The following ZNF831 variants were observed in gnomAD, a reference collection of about 807,000 sequenced individuals.
ZNF831 encodes the protein zinc finger protein 831.
ZNF831 carries 59 observed loss-of-function variants against 95.8 expected under a neutral mutation model. The observed-to-expected ratio is 0.62, with a 90% confidence interval of 0.50 to 0.77. ZNF831 has a LOEUF of 0.77. Ranked by LOEUF, ZNF831 falls within the 30% of genes least tolerant of loss-of-function variation. The pLI is 0.00. For missense variants in ZNF831, 2,205 were observed against 2,164.0 expected, an observed-to-expected ratio of 1.02 and a Z score of -0.38; for synonymous variants, 961 against 925.5, an observed-to-expected ratio of 1.04 and a Z score of -0.70.
intron 4 of ZNF831, among the ~76,000 whole-genome samples, chr20:59,247,212 G>A (rs1987657209): frequency 6.6e-6 from 1 of 152,208 alleles, no homozygotes; most frequent in African/African-American, 2.4e-5. Context: ...ATGATTTACT[G>A]TGTGCATAGT....
upstream of ZNF831, among the ~76,000 whole-genome samples, chr20:59,163,607 T>C (rs572097453): frequency 6.6e-6 from 1 of 152,216 alleles, no homozygotes; most frequent in Non-Finnish European, 1.5e-5. Flanking sequence ...CAGAACAACC[T>C]CATCTCTAAT....
intron 4 of ZNF831, among the ~76,000 whole-genome samples, chr20:59,237,370 AG>A (rs1313888961): frequency 6.6e-6 from 1 of 152,152 alleles, no homozygotes; most frequent in Non-Finnish European, 1.5e-5. Flanking sequence ...ATTTTGAGAC[AG>A]GGTCTCGCTC....
intron 1 of ZNF831, among the ~76,000 whole-genome samples, chr20:59,178,624 C>A (rs1254966152): frequency 6.6e-6 from 1 of 152,186 alleles, no homozygotes; most frequent in Non-Finnish European, 1.5e-5. Context: ...TAATAACTCA[C>A]TCTACAACTT....
chr20:59,143,252 A>G (rs1396092921), intron 1 of ZNF831, among the ~76,000 whole-genome samples: 1 of 152,200 alleles, frequency 6.6e-6, no homozygotes, highest in Non-Finnish European at 1.5e-5. Context: ...AAAGTGCTCA[A>G]ATACACAACC....
At chr20:59,221,186 C>T (rs1026638279) in intron 4 of ZNF831, among the ~76,000 whole-genome samples, 5 of 152,142 alleles carry the variant, frequency 3.3e-5, no homozygotes, top group African/African-American at 7.2e-5. Context: ...CTGGACAAGA[C>T]GTCTTCAAGC....
intron 4 of ZNF831, among the ~76,000 whole-genome samples, chr20:59,230,016 T>C (rs1986639664): frequency 6.6e-6 from 1 of 152,140 alleles, no homozygotes; most frequent in South Asian, 2.1e-4. Context: ...TGAGGGTAGG[T>C]TGACATCTCA....
intron 1 of ZNF831, among the ~76,000 whole-genome samples, chr20:59,127,619 A>G (rs1250148257): frequency 2.0e-5 from 3 of 151,698 alleles, no homozygotes; most frequent in African/African-American, 7.3e-5. Context: ...TTTGATCTCT[A>G]CTCAAAGGTC....
chr20:59,194,140 C>T lies in ZNF831; in HGVS notation c.3121C>T (p.Pro1041Ser), dbSNP rs2146594805. ...TAGCAGGCCAGCAGCCAGGGAGTTG[C>T]CCATCTCAGCACCAGGGGCTCCCAG... The part of the protein sequence containing the change: ...ATSRPAAREL[P>S]ISAPGAPREA... The change falls in exon 2 of 6, where the codon CCC becomes TCC. Residue 1041 changes from proline to serine, a missense_variant. Pro to Ser is a moderately conservative substitution (Grantham distance 74). Transcript: ENST00000371030. The T allele has an allele frequency of 1.3e-6, 2 of 1,567,522 alleles. No individual in the cohort carries two copies. Among genetic ancestry groups the T allele is most frequent in the African/African-American group, 1.3e-5 (1 of 74,130 alleles).
chr20:59,244,460 G>A (rs1159070013), intron 4 of ZNF831, among the ~76,000 whole-genome samples: 1 of 152,084 alleles, frequency 6.6e-6, no homozygotes, highest in African/African-American at 2.4e-5. Context: ...CACTTTGGGG[G>A]TTTTCCTCAT....
At chr20:59,246,237 C>G (rs965395536) in intron 4 of ZNF831, among the ~76,000 whole-genome samples, 1 of 152,170 alleles carries the variant, frequency 6.6e-6, no homozygotes, top group Middle Eastern at 3.2e-3. Flanking sequence ...CCTTCTCTGA[C>G]AGGACTTCCG....
At chr20:59,202,455 TG>T (rs1195065152) in intron 3 of ZNF831, among the ~76,000 whole-genome samples, 4 of 152,244 alleles carry the variant, frequency 2.6e-5, no homozygotes, top group African/African-American at 9.6e-5. Flanking sequence ...TTTCCTTGTT[TG>T]TGTTAAAATT....
chr20:59,221,698 C>G (rs1428261136), intron 4 of ZNF831, among the ~76,000 whole-genome samples: 1 of 152,198 alleles, frequency 6.6e-6, no homozygotes, highest in Non-Finnish European at 1.5e-5. Context: ...CAAGGTTTTT[C>G]CCTTGCTAAA....
At chr20:59,233,918 C>T (rs1986867542) in intron 4 of ZNF831, among the ~76,000 whole-genome samples, 1 of 152,222 alleles carries the variant, frequency 6.6e-6, no homozygotes, top group African/African-American at 2.4e-5. Flanking sequence ...CAGCCACCCT[C>T]ATCCCCACCT....
intron 1 of ZNF831, among the ~76,000 whole-genome samples, chr20:59,137,433 G>A (rs6026721): frequency 0.92 from 140,413 of 152,142 alleles, 65,268 homozygotes; most frequent in Non-Finnish European, 0.98. Flanking sequence ...TGACATCTCT[G>A]GGTCCTCAGA....
Position 59,254,410 on chromosome 20 carries a change from T to C in ZNF831, c.4701T>C (p.Leu1567=). ...VPLESTEKTH[L]EIPASGPSSA... The stretch of plus-strand genomic sequence containing the variant: ...TGGAGTCAACTGAAAAAACTCATCT[T>C]GAAATACCAGCTTCAGGACCAAGTT... The change falls in exon 6 of 6, where the codon CTT becomes CTC. Residue 1567 remains leucine, a synonymous_variant. Transcript: ENST00000371030. This position sits in a 1 kb window ranked among gnomAD's most constrained non-coding sequence, Gnocchi z 4.5. The C allele has an allele frequency of 6.2e-7, 1 of 1,614,168 alleles. No individual in the cohort carries two copies. Among genetic ancestry groups the C allele is most frequent in the Non-Finnish European group, 8.5e-7 (1 of 1,180,026 alleles).
rs913438190 is a variant in ZNF831 at position 59,258,308 on chromosome 20, C to G, written c.*3565C>G. 1 of 152,610 alleles carries G rather than the reference C, an allele frequency of 6.6e-6. No homozygotes were observed. The highest frequency in any genetic ancestry group is 2.4e-5 in the African/African-American group (1 of 41,448). The allele number at this position is 152,610 out of a possible 1,614,324, so 9.5% of individuals were successfully genotyped here. A position where few individuals can be genotyped will look rare whatever the true frequency, so the allele number is the denominator to read the frequency against. On this transcript the variant is annotated 3_prime_UTR_variant, in exon 6 of 6. Transcript: ENST00000371030. ...TCTAAAGCTGAGACCGGAAGAGGAA[C>G]CTTGCAGAAGTGCACTGTGACCACA...
rs540531405 is a variant in ZNF831, at chr20:59,258,666, T to C, written c.*3923T>C. The stretch of plus-strand genomic sequence containing the variant: ...CTTCAGTTGTTCTTCCCATAGTTCA[T>C]GTAGGGAGGCACTTTGGCTTTTGAA... On this transcript the variant is annotated 3_prime_UTR_variant, in exon 6 of 6. Transcript: ENST00000371030. 1 of 152,488 alleles carries C rather than the reference T, an allele frequency of 6.6e-6. No homozygotes were observed. Among genetic ancestry groups the C allele is most frequent in the Admixed American group, 6.5e-5 (1 of 15,302 alleles). 9.4% of individuals were successfully genotyped at this position (152,488 alleles called of 1,614,324 possible). A position where few individuals can be genotyped will look rare whatever the true frequency, so the allele number is the denominator to read the frequency against.
intron 4 of ZNF831, among the ~76,000 whole-genome samples, chr20:59,237,481 G>A (rs1478029540): frequency 6.6e-6 from 1 of 152,134 alleles, no homozygotes; most frequent in African/African-American, 2.4e-5. Flanking sequence ...CAAGTAGCTG[G>A]AATTACAGGT....
At chr20:59,143,928 T>C (rs948863217) in intron 1 of ZNF831, among the ~76,000 whole-genome samples, 11 of 152,202 alleles carry the variant, frequency 7.2e-5, no homozygotes, top group Non-Finnish European at 1.3e-4. Context: ...AAAGCCACTT[T>C]AATGGATTCT....
Sources: allele counts gnomAD v4.1 joint callset (sites outside exome capture counted in the v4.1 genomes callset), GRCh38; gene constraint gnomAD v4.1.1; non-coding constraint Gnocchi (gnomAD v3.1); transcripts MANE v1.5; gene names NCBI Gene and HGNC (gene_info 2026-07-23, HGNC 2026-07-21).